Variants in BBX observed in about 807,000 individuals in gnomAD.
BBX encodes the protein HMG box transcription factor BBX.
A neutral mutation model predicts 100.2 loss-of-function variants in BBX; 30 were observed. The ratio of observed to expected loss-of-function variants is 0.30; its 90% CI spans 0.22 to 0.41. The LOEUF (loss-of-function observed/expected upper bound fraction) is 0.41. Ranked by LOEUF, BBX falls within the 10% of genes least tolerant of loss-of-function variation. The probability of loss-of-function intolerance (pLI) is 1.00; values close to 1 mark genes in which losing one functional copy is unlikely to be tolerated. For missense variants in BBX, 1,023 were observed against 1,129.8 expected (o/e 0.91, Z 1.35); for synonymous variants, 376 against 388.1 (o/e 0.97, Z 0.37).
chr3:107,627,082 T>C (rs746209423), intron 2 of BBX, among the ~76,000 whole-genome samples: 19 of 152,214 alleles, frequency 1.2e-4, no homozygotes, highest in Non-Finnish European at 2.8e-4. Context: ...TTCTTCAGTA[T>C]TTTACTGCTT....
intron 2 of BBX, among the ~76,000 whole-genome samples, chr3:107,528,065 T>C (rs1164062426): frequency 1.3e-5 from 2 of 152,182 alleles, no homozygotes; most frequent in Non-Finnish European, 2.9e-5. Flanking sequence ...ACTGCTTCAT[T>C]AAAACAATAT....
intron 2 of BBX, among the ~76,000 whole-genome samples, chr3:107,538,935 C>T (rs1018479131): frequency 1.8e-4 from 28 of 152,010 alleles, no homozygotes; most frequent in African/African-American, 6.8e-4. Context: ...AACATGCCAC[C>T]ACACCCAGCC....
At chr3:107,574,956 G>C in intron 2 of BBX, among the ~76,000 whole-genome samples, 1 of 152,184 alleles carries the variant, frequency 6.6e-6, no homozygotes, top group Middle Eastern at 3.4e-3. Flanking sequence ...CATTAGAATT[G>C]TTTCAGACTT....
At chr3:107,683,839 G>A (rs2059697848) in intron 3 of BBX, among the ~76,000 whole-genome samples, 1 of 152,146 alleles carries the variant, frequency 6.6e-6, no homozygotes, top group Admixed American at 6.6e-5. Flanking sequence ...TAGAAAGTAG[G>A]CATGCATGTG....
chr3:107,656,763 A>G (rs978547737), intron 3 of BBX, among the ~76,000 whole-genome samples: 4 of 152,220 alleles, frequency 2.6e-5, no homozygotes, highest in Non-Finnish European at 4.4e-5. Flanking sequence ...TGTGCAAGGC[A>G]GTGCGTTACA....
intron 5 of BBX, among the ~76,000 whole-genome samples, chr3:107,725,433 T>A (rs11920933): frequency 0.32 from 47,854 of 151,902 alleles, 8,727 homozygotes; most frequent in African/African-American, 0.5. Context: ...TGGCCAGAAC[T>A]TCCAACACTA....
chr3:107,593,668 T>G (rs2053488342), intron 2 of BBX, among the ~76,000 whole-genome samples: 1 of 152,144 alleles, frequency 6.6e-6, no homozygotes. Context: ...AAGTGGCATA[T>G]GCAGAGTATT....
intron 15 of BBX, among the ~76,000 whole-genome samples, chr3:107,793,945 C>T (rs2069324934): frequency 6.6e-6 from 1 of 151,962 alleles, no homozygotes; most frequent in African/African-American, 2.4e-5. Flanking sequence ...TGGGCTTTTA[C>T]AATTCAAAAT....
At chr3:107,573,186 A>G (rs1451571978) in intron 2 of BBX, among the ~76,000 whole-genome samples, 1 of 152,256 alleles carries the variant, frequency 6.6e-6, no homozygotes, top group Non-Finnish European at 1.5e-5. Flanking sequence ...GAGATTAAGA[A>G]GCATTCTCCG....
intron 2 of BBX, among the ~76,000 whole-genome samples, chr3:107,642,196 AG>A (rs2057252750): frequency 3.9e-5 from 6 of 152,242 alleles, no homozygotes; most frequent in Admixed American, 3.9e-4. Flanking sequence ...AGAATGGGAA[AG>A]GGTTATGCAC....
chr3:107,749,136 TA>T (rs1277738067), intron 9 of BBX, among the ~76,000 whole-genome samples: 1 of 152,226 alleles, frequency 6.6e-6, no homozygotes, highest in Non-Finnish European at 1.5e-5. Context: ...ATAAAATTGG[TA>T]ACAAAAATAT....
chr3:107,737,549 A>C lies in BBX; in HGVS notation c.669+4526A>C, dbSNP rs183235516. Among the ~76,000 whole-genome samples the C allele has an allele frequency of 3.4e-3, 523 of 152,288 alleles. 2 individuals are homozygous for C. Among genetic ancestry groups the C allele is most frequent in the Non-Finnish European group, 4.0e-3 (273 of 68,008 alleles). Reference sequence around the variant, plus strand: ...AGGACTGTAAAGGTCGTGTTCTCTGAGAATTGAACAGTGCTGAACTGTGTG... The same window carrying C: ...AGGACTGTAAAGGTCGTGTTCTCTGCGAATTGAACAGTGCTGAACTGTGTG... On this transcript the variant is annotated intron_variant, in intron 7 of 17. Transcript: ENST00000325805.
chr3:107,790,626 A>G (rs978421873), intron 14 of BBX, among the ~76,000 whole-genome samples: 17 of 152,306 alleles, frequency 1.1e-4, no homozygotes, highest in Admixed American at 1.0e-3. Flanking sequence ...CAGTGCAGCC[A>G]AGTATTCTGT....
chr3:107,603,668 G>A (rs2054225451), intron 2 of BBX, among the ~76,000 whole-genome samples: 2 of 152,044 alleles, frequency 1.3e-5, no homozygotes, highest in South Asian at 2.1e-4. Flanking sequence ...GTGAGCCACC[G>A]TACCCGGCCT....
At chr3:107,728,701 A>C in intron 5 of BBX, 64 bp from the exon 6 acceptor site, 1 of 1,433,138 alleles carries the variant, frequency 7.0e-7, no homozygotes, top group Non-Finnish European at 9.6e-7. Flanking sequence ...ATGGGGTGAC[A>C]GCCTTTAGAA....
At chr3:107,764,792 T>C (rs1414373336) in intron 10 of BBX, among the ~76,000 whole-genome samples, 4 of 152,242 alleles carry the variant, frequency 2.6e-5, no homozygotes, top group Non-Finnish European at 5.9e-5. Flanking sequence ...CAGCCATTAA[T>C]TCTGTTTCCC....
At chr3:107,609,870 T>C (rs1380391732) in intron 2 of BBX, among the ~76,000 whole-genome samples, 1 of 152,096 alleles carries the variant, frequency 6.6e-6, no homozygotes. Context: ...TTCAATTTCA[T>C]TTATTTCTAC....
intron 3 of BBX, among the ~76,000 whole-genome samples, chr3:107,686,803 G>T (rs1425276734): frequency 6.6e-6 from 1 of 152,138 alleles, no homozygotes; most frequent in Non-Finnish European, 1.5e-5. Flanking sequence ...ATTTTCTAGT[G>T]TCATAGGCAG....
At chr3:107,768,899 T>G (rs1316585880) in intron 10 of BBX, among the ~76,000 whole-genome samples, 1 of 150,348 alleles carries the variant, frequency 6.7e-6, no homozygotes, top group East Asian at 2.0e-4. Flanking sequence ...GGCACATGCC[T>G]GTACTTCCAG....
Sources: allele counts gnomAD v4.1 joint callset (sites outside exome capture counted in the v4.1 genomes callset), GRCh38; gene constraint gnomAD v4.1.1; transcripts MANE v1.5; gene names NCBI Gene and HGNC (gene_info 2026-07-23, HGNC 2026-07-21).